The following MARVELD2 variants were observed in gnomAD, a reference collection of about 807,000 sequenced individuals.
MARVELD2 encodes MARVEL domain containing 2, also known as MARVEL domain-containing protein 2.
MARVELD2 carries 49 observed loss-of-function variants against 57.6 expected under a neutral mutation model. The observed-to-expected ratio is 0.85, with a 90% confidence interval of 0.68 to 1.08. The LOEUF is 1.08. MARVELD2 is among the 50% of genes least tolerant of loss of function. MARVELD2 has a pLI of 0.00. For missense variants in MARVELD2, 606 were observed against 701.1 expected (o/e 0.86, Z 1.53); for synonymous variants, 238 against 258.8 (o/e 0.92, Z 0.77).
chr5:69,428,957 A>T (rs1766877093), intron 3 of MARVELD2, among the ~76,000 whole-genome samples: 2 of 152,230 alleles, frequency 1.3e-5, no homozygotes, highest in Non-Finnish European at 1.5e-5. Flanking sequence ...AAGACTAAGT[A>T]TATAGGAATT....
intron 3 of MARVELD2, among the ~76,000 whole-genome samples, chr5:69,426,253 AATTT>A (rs1192275721): frequency 1.3e-5 from 2 of 150,458 alleles, no homozygotes; most frequent in African/African-American, 4.9e-5. Context: ...TATATGTAAT[AATTT>A]ATTTTAATAA....
chr5:69,430,475 C>A (rs1272812183), intron 3 of MARVELD2, among the ~76,000 whole-genome samples: 1 of 152,098 alleles, frequency 6.6e-6, no homozygotes, highest in African/African-American at 2.4e-5. Flanking sequence ...TTTGGCCTCC[C>A]AAAGTGCTAG....
At chr5:69,430,283 G>C (rs1441649463) in intron 3 of MARVELD2, among the ~76,000 whole-genome samples, 3 of 151,742 alleles carry the variant, frequency 2.0e-5, no homozygotes, top group Admixed American at 2.0e-4. Context: ...CAGGAGAATT[G>C]CTTAAACCTG....
intron 2 of MARVELD2, among the ~76,000 whole-genome samples, chr5:69,424,330 G>C (rs938699132): frequency 1.3e-5 from 2 of 151,992 alleles, no homozygotes; most frequent in African/African-American, 4.8e-5. Context: ...AAAATTTGAG[G>C]GTAATTCAGA....
At chr5:69,441,391 G>T in intron 6 of MARVELD2, 141 bp from the exon 7 acceptor site, 1 of 905,682 alleles carries the variant, frequency 1.1e-6, no homozygotes, top group Non-Finnish European at 1.7e-6. Context: ...AATATGTAGA[G>T]AGCTTAACTG....
rs1342274394 is a variant in MARVELD2 at position 69,428,606 on chromosome 5, G to GAGCA, written c.1183-3921_1183-3920insAGCA. Among the ~76,000 whole-genome samples, 99 of 40,096 alleles carry GAGCA rather than the reference G, an allele frequency of 2.5e-3. 12 individuals are homozygous for GAGCA. The highest frequency in any genetic ancestry group is 5.9e-3 in the African/African-American group (71 of 11,948). The allele number at this position is 40,096 out of a possible 152,430, so 26.3% of individuals were successfully genotyped here. A position where few individuals can be genotyped will look rare whatever the true frequency, so the allele number is the denominator to read the frequency against. On this transcript the variant is annotated intron_variant, in intron 3 of 6. Coordinates refer to ENST00000325631, the MANE Select transcript of MARVELD2 (RefSeq NM_001038603.3). Reference sequence around the variant, plus strand: ...TTCAGGCTCCCTTTCTATATTAAAAGGTAAGTCTTACAATTAGGGATGGGC... The same window carrying GAGCA: ...TTCAGGCTCCCTTTCTATATTAAAAGAGCAGTAAGTCTTACAATTAGGGATGGGC...
chr5:69,428,598 T>TCC lies in MARVELD2; in HGVS notation c.1183-3929_1183-3928insCC, dbSNP rs1399650750. On this transcript the variant is annotated intron_variant, in intron 3 of 6. Coordinates refer to ENST00000325631, the MANE Select transcript of MARVELD2 (RefSeq NM_001038603.3). ...CTGATTTCTTCAGGCTCCCTTTCTA[T>TCC]ATTAAAAGGTAAGTCTTACAATTAG... Among the ~76,000 whole-genome samples, 98 of 40,388 alleles carry TCC rather than the reference T, an allele frequency of 2.4e-3. 12 individuals carry two copies. The highest frequency in any genetic ancestry group is 5.9e-3 in the African/African-American group (69 of 11,676). 26.5% of individuals were successfully genotyped at this position (40,388 alleles called of 152,430 possible).
intron 3 of MARVELD2, among the ~76,000 whole-genome samples, chr5:69,427,460 G>C (rs937401964): frequency 6.6e-6 from 1 of 151,388 alleles, no homozygotes. Context: ...CACCAGGCTG[G>C]AGTGCTGTGG....
chr5:69,439,299 T>C (rs1302838732), intron 5 of MARVELD2, among the ~76,000 whole-genome samples: 1 of 151,754 alleles, frequency 6.6e-6, no homozygotes, highest in Admixed American at 6.6e-5. Flanking sequence ...TAGCTGAGAT[T>C]ACAGGTGCCC....
At chr5:69,418,827 C>T (rs552037036) in intron 1 of MARVELD2, 1 of 153,354 alleles carries the variant, frequency 6.5e-6, no homozygotes, top group African/African-American at 2.4e-5. Context: ...GGAGTGTGTT[C>T]GCGTTCTGTT....
rs533057530 is a variant in MARVELD2 at position 69,435,124 on chromosome 5, C to T, written c.1503+2031C>T. On this transcript the variant is annotated intron_variant, in intron 5 of 6. Coordinates refer to ENST00000325631, the MANE Select transcript of MARVELD2 (RefSeq NM_001038603.3). ...TGCAACCTTTGCCTCCCAGGTTACG[C>T]GATTCTCCTGCCTCAGCTTCCTGAG... 7.9e-5 allele frequency among the ~76,000 whole-genome samples: 12 copies of T among 150,946 alleles called. No individual in the cohort carries two copies. The East Asian group carries it at 2.0e-3, about 25-fold the overall frequency.
At position 69,426,707 on chromosome 5, in the gene MARVELD2, T is replaced by C. The variant is rs116814285; in HGVS notation, c.1182+2071T>C. Among the ~76,000 whole-genome samples, 402 of 152,234 alleles carry C rather than the reference T, an allele frequency of 2.6e-3. 1 individual carries two copies. Among genetic ancestry groups the C allele is most frequent in the African/African-American group, 9.5e-3 (393 of 41,556 alleles). On this transcript the variant is annotated intron_variant, in intron 3 of 6. Coordinates refer to ENST00000325631, the MANE Select transcript of MARVELD2 (RefSeq NM_001038603.3). ...TTCTCTGAAAAGAGAGCATATTTAC[T>C]TGGTTGAAAATTCAAAAGGGTCTGT...
chr5:69,428,148 A>G (rs1766855030), intron 3 of MARVELD2, among the ~76,000 whole-genome samples: 1 of 151,958 alleles, frequency 6.6e-6, no homozygotes, highest in Admixed American at 6.6e-5. Context: ...AGTTTTCCAA[A>G]CTGATGATCG....
At position 69,441,927 on chromosome 5, in the gene MARVELD2, T is replaced by C; in HGVS notation, c.*273T>C. 4 of 246,326 alleles carry C rather than the reference T, an allele frequency of 1.6e-5. No individual in the cohort carries two copies. Among genetic ancestry groups the C allele is most frequent in the Non-Finnish European group, 1.6e-5 (2 of 125,824 alleles). 15.3% of individuals were successfully genotyped at this position (246,326 alleles called of 1,614,324 possible). ...CTGGGAAACTACTTTTTTTAAAAAA[T>C]AGCAAGTTTACTATTTATTTACTGC... On this transcript the variant is annotated 3_prime_UTR_variant, in exon 7 of 7. Transcript: ENST00000325631.
At chr5:69,419,306 T>C in intron 1 of MARVELD2, 65 bp from the exon 2 acceptor site, 1 of 1,521,328 alleles carries the variant, frequency 6.6e-7, no homozygotes, top group Non-Finnish European at 9.1e-7. Context: ...ACTACATGAA[T>C]AAAATCAGCA....
intron 3 of MARVELD2, among the ~76,000 whole-genome samples, chr5:69,426,555 G>A (rs941272832): frequency 3.3e-5 from 5 of 151,816 alleles, no homozygotes; most frequent in Middle Eastern, 3.4e-3. Flanking sequence ...GGCTGGTCTC[G>A]AACCCCTGAC....
At chr5:69,423,994 A>G (rs1311515043) in intron 2 of MARVELD2, among the ~76,000 whole-genome samples, 1 of 152,236 alleles carries the variant, frequency 6.6e-6, no homozygotes, top group African/African-American at 2.4e-5. Context: ...TGAAATCCAG[A>G]TAGTGAAACA....
At chr5:69,439,144 C>A (rs1000854430) in intron 5 of MARVELD2, among the ~76,000 whole-genome samples, 1 of 149,832 alleles carries the variant, frequency 6.7e-6, no homozygotes. Context: ...TCAGGCCAAG[C>A]TTTTATTTTA....
intron 5 of MARVELD2, among the ~76,000 whole-genome samples, chr5:69,437,871 C>A (rs2561183): frequency 0.5 from 75,611 of 151,912 alleles, 18,847 homozygotes; most frequent in South Asian, 0.54. Flanking sequence ...TGTTTCCACA[C>A]AATATCAACA....
Sources: gnomAD v4.1 joint callset for allele counts (sites outside exome capture counted in the v4.1 genomes callset) on GRCh38, gnomAD v4.1.1 for gene constraint, MANE v1.5 for transcripts, NCBI Gene and HGNC (gene_info 2026-07-23, HGNC 2026-07-21) for gene names.